The following SNX18 variants were observed in gnomAD, a reference collection of about 807,000 sequenced individuals.
The protein encoded by SNX18 is sorting nexin 18.
A neutral mutation model predicts 48.7 loss-of-function variants in SNX18; 35 were observed. The observed-to-expected ratio is 0.72, with a 90% CI of 0.55 to 0.95. The LOEUF is 0.95. Among genes scored for constraint, SNX18 ranks in the 40% least tolerant of loss-of-function variants. The pLI is 0.00. For synonymous variants in SNX18, 492 were observed against 384.7 expected, an observed-to-expected ratio of 1.28 and a Z score of -3.26; for missense variants, 824 against 871.0, an observed-to-expected ratio of 0.95 and a Z score of 0.68.
At chr5:54,610,507 G>A in the SNX18 span, among the ~76,000 whole-genome samples, 2 of 152,310 alleles carry the variant, frequency 1.3e-5, no homozygotes, top group African/African-American at 4.8e-5. Context: ...TACAAGCAGA[G>A]TTTTCCGCTC....
At chr5:54,639,816 G>A in the SNX18 span, among the ~76,000 whole-genome samples, 6 of 152,286 alleles carry the variant, frequency 3.9e-5, no homozygotes, top group East Asian at 1.2e-3. Context: ...GGGGCCTCCT[G>A]GGGTTAAGTG....
chr5:54,647,566 C>A, the SNX18 span, among the ~76,000 whole-genome samples: 1 of 152,142 alleles, frequency 6.6e-6, no homozygotes, highest in East Asian at 1.9e-4. Flanking sequence ...GTGAATGGGG[C>A]ATGAGAGGAA....
chr5:54,541,652 G>T (rs10038530), intron 1 of SNX18, among the ~76,000 whole-genome samples: 2,283 of 152,238 alleles, frequency 0.015, 52 homozygotes, highest in African/African-American at 0.051. Context: ...CAGTACATGT[G>T]TTCTTGTTTC....
At chr5:54,520,172 T>C (rs1469818123) in intron 1 of SNX18, 3 of 248,238 alleles carry the variant, frequency 1.2e-5, no homozygotes, top group African/African-American at 2.2e-5. Flanking sequence ...TTGAAATCTA[T>C]TAATGTACTG....
the SNX18 span, among the ~76,000 whole-genome samples, chr5:54,642,807 T>C: frequency 6.6e-6 from 1 of 152,226 alleles, no homozygotes; most frequent in Non-Finnish European, 1.5e-5. Flanking sequence ...TGCTCCCTAC[T>C]GTCAATTGTA....
chr5:54,550,914 C>A (rs1384932534), downstream of SNX18, among the ~76,000 whole-genome samples: 4 of 149,484 alleles, frequency 2.7e-5, no homozygotes, highest in Non-Finnish European at 6.0e-5. Context: ...AAAGTAAATG[C>A]AGCAACTTGG....
At position 54,518,798 on chromosome 5, in the gene SNX18, C is replaced by T. The variant is rs192020949; in HGVS notation, c.846C>T (p.Asp282=). The change falls in exon 1 of 2, where the codon GAC becomes GAT. Residue 282 remains aspartate, a synonymous_variant. Coordinates refer to ENST00000381410, the MANE Select transcript of SNX18 (RefSeq NM_001102575.2). The stretch of plus-strand genomic sequence containing the variant: ...ACCCGTTCCAGTGCACCATCGACGA[C>T]CCCACCAAGCAGACCAAGTTCAAGG... ...NPYPFQCTID[D]PTKQTKFKGM... is the part of the protein sequence containing the mutation. The T allele has an allele frequency of 1.2e-6, 2 of 1,603,254 alleles. No homozygotes were observed. The highest frequency in any genetic ancestry group is 1.3e-5 in the African/African-American group (1 of 74,676).
At chr5:54,607,873 G>T in the SNX18 span, among the ~76,000 whole-genome samples, 1 of 152,158 alleles carries the variant, frequency 6.6e-6, no homozygotes, top group Admixed American at 6.5e-5. Flanking sequence ...GGCAGAGTTT[G>T]CAGTGAGCCA....
At chr5:54,642,711 T>C in the SNX18 span, among the ~76,000 whole-genome samples, 2 of 152,206 alleles carry the variant, frequency 1.3e-5, no homozygotes, top group African/African-American at 4.8e-5. Flanking sequence ...TTGGCAATTG[T>C]TAAATCTCTT....
chr5:54,534,751 G>A (rs59934912), intron 1 of SNX18, among the ~76,000 whole-genome samples: 32,741 of 151,796 alleles, frequency 0.22, 4,227 homozygotes, highest in Non-Finnish European at 0.29. Flanking sequence ...CTGCAAATGA[G>A]AAGCAGAGGA....
chr5:54,587,850 C>G, the SNX18 span, among the ~76,000 whole-genome samples: 1 of 152,152 alleles, frequency 6.6e-6, no homozygotes, highest in African/African-American at 2.4e-5. Context: ...AGGCACGTGG[C>G]CATCAAGGAT....
the SNX18 span, among the ~76,000 whole-genome samples, chr5:54,582,752 G>A: frequency 6.6e-6 from 1 of 152,106 alleles, no homozygotes; most frequent in East Asian, 1.9e-4. Context: ...CGGCAACAGA[G>A]TAAGACCCTG....
chr5:54,539,276 G>GGA (rs1351388768), intron 1 of SNX18, among the ~76,000 whole-genome samples: 4 of 150,826 alleles, frequency 2.7e-5, no homozygotes, highest in Non-Finnish European at 5.9e-5. Context: ...TGGGTTACCT[G>GGA]GATGACTGTC....
chr5:54,597,752 G>A, the SNX18 span, among the ~76,000 whole-genome samples: 4 of 152,182 alleles, frequency 2.6e-5, no homozygotes, highest in East Asian at 7.7e-4. Flanking sequence ...TTAAGAGGGA[G>A]ATTTATAGCA....
chr5:54,623,890 A>G, the SNX18 span, among the ~76,000 whole-genome samples: 2 of 152,164 alleles, frequency 1.3e-5, no homozygotes, highest in African/African-American at 4.8e-5. Flanking sequence ...ACTCTTCCCT[A>G]TGGCTTCAGC....
Position 54,518,460 on chromosome 5 carries a change from G to T in SNX18, c.508G>T (p.Ala170Ser). ...CTCCACGGTGGCGGACGAGCCGGGC[G>T]CTCTGGGCAGCGGAGCATACCCGGA... ...DSSTVADEPGALGSGAYPDLD... is the reference protein window; with the variant it reads ...DSSTVADEPGSLGSGAYPDLD... Residue 170 changes from alanine (A) to serine (S), a missense_variant, in exon 1 of 2, where the codon GCT becomes TCT. Physicochemically the swap from Ala to Ser is moderately conservative, Grantham distance 99. Transcript: ENST00000381410. 1 of 1,570,634 alleles carries T rather than the reference G, an allele frequency of 6.4e-7. No homozygotes were observed. Among genetic ancestry groups the T allele is most frequent in the Non-Finnish European group, 8.6e-7 (1 of 1,158,852 alleles).
chr5:54,608,647 T>A, the SNX18 span, among the ~76,000 whole-genome samples: 13 of 152,214 alleles, frequency 8.5e-5, no homozygotes, highest in Non-Finnish European at 1.8e-4. Flanking sequence ...AGTGTTGAAA[T>A]AAACAGTTGA....
chr5:54,536,776 C>T (rs979281587), intron 1 of SNX18, among the ~76,000 whole-genome samples: 2 of 152,158 alleles, frequency 1.3e-5, no homozygotes, highest in African/African-American at 4.8e-5. Context: ...AATGGTATTT[C>T]TAGTTCTAGA....
chr5:54,531,797 C>G (rs185296950), intron 1 of SNX18, among the ~76,000 whole-genome samples: 7 of 152,244 alleles, frequency 4.6e-5, no homozygotes, highest in Admixed American at 2.6e-4. Context: ...GCCTCGTGAT[C>G]GTGAAGGGAT....
Sources: allele counts gnomAD v4.1 joint callset (sites outside exome capture counted in the v4.1 genomes callset), GRCh38; gene constraint gnomAD v4.1.1; transcripts MANE v1.5; gene names NCBI Gene and HGNC (gene_info 2026-07-23, HGNC 2026-07-21).